Variants in PTPRD observed in about 807,000 individuals in gnomAD.
PTPRD encodes protein tyrosine phosphatase receptor type D.
In PTPRD, 34 loss-of-function variants were observed where a neutral mutation model predicts 214.5. That is an observed-to-expected ratio of 0.16 (90% confidence interval 0.12 to 0.21). The LOEUF is 0.21. Among genes scored for constraint, PTPRD ranks in the 10% least tolerant of loss-of-function variants. The pLI, the probability that PTPRD is intolerant of heterozygous loss-of-function variation, is 1.00. For missense variants in PTPRD, 2,545 were observed against 2,398.7 expected (o/e 1.06, Z -1.27); for synonymous variants, 1,128 against 845.7 (o/e 1.33, Z -5.79).
At position 10,326,000 on chromosome 9, in the gene PTPRD, A is replaced by G. The variant is rs192476501; in HGVS notation, c.-545+14963T>C. 1.8e-4 allele frequency among the ~76,000 whole-genome samples: 27 copies of G among 151,986 alleles called. No homozygotes were observed. In the East Asian group the frequency reaches 2.3e-3, roughly 13 times the overall value. Reference sequence around the variant, plus strand: ...TCACATTGAGAAATATATCTGAGCAAGTATCTAAAAAGATATGTTTGTCCA... The same window carrying G: ...TCACATTGAGAAATATATCTGAGCAGGTATCTAAAAAGATATGTTTGTCCA... On this transcript the variant is annotated intron_variant, in intron 3 of 45. Transcript: ENST00000381196.
At chr9:9,431,155 C>G (rs1357338677) in intron 8 of PTPRD, among the ~76,000 whole-genome samples, 1 of 152,210 alleles carries the variant, frequency 6.6e-6, no homozygotes, top group Non-Finnish European at 1.5e-5. Flanking sequence ...ATCTACCCAT[C>G]TGACAAAGGG....
chr9:9,295,998 C>A (rs777702149), intron 9 of PTPRD, among the ~76,000 whole-genome samples: 3 of 151,692 alleles, frequency 2.0e-5, no homozygotes, highest in Non-Finnish European at 2.9e-5. Flanking sequence ...TTACATGATA[C>A]CTCAGGTTTT....
intron 2 of PTPRD, among the ~76,000 whole-genome samples, chr9:10,579,829 T>C (rs2071038971): frequency 6.6e-6 from 1 of 152,156 alleles, no homozygotes; most frequent in African/African-American, 2.4e-5. Flanking sequence ...TTCTCGTGGT[T>C]TTGATTTGAA....
intron 44 of PTPRD, among the ~76,000 whole-genome samples, chr9:8,330,585 A>G (rs894835611): frequency 1.3e-5 from 2 of 151,946 alleles, no homozygotes; most frequent in African/African-American, 4.8e-5. Flanking sequence ...AAGCAAATGT[A>G]CATAGATAAA....
chr9:10,026,576 T>A (rs2096927180), intron 4 of PTPRD, among the ~76,000 whole-genome samples: 1 of 152,166 alleles, frequency 6.6e-6, no homozygotes, highest in Non-Finnish European at 1.5e-5. Flanking sequence ...TCTGTGCTCA[T>A]CCTTTGGAGC....
chr9:8,333,154 A>G (rs1014221173), intron 43 of PTPRD, among the ~76,000 whole-genome samples: 1 of 152,156 alleles, frequency 6.6e-6, no homozygotes, highest in Admixed American at 6.6e-5. Context: ...AATAGAGAAA[A>G]CTATTTGGCC....
chr9:10,045,154 G>T (rs2097365986), intron 3 of PTPRD, among the ~76,000 whole-genome samples: 2 of 151,734 alleles, frequency 1.3e-5, no homozygotes, highest in South Asian at 2.1e-4. Context: ...TGAATTATTA[G>T]CAGACAGTTC....
chr9:9,386,783 G>A (rs773154138), intron 9 of PTPRD, among the ~76,000 whole-genome samples: 6 of 152,098 alleles, frequency 3.9e-5, no homozygotes, highest in Non-Finnish European at 7.3e-5. Context: ...AAGGCAAGGA[G>A]TAGGTTATAG....
intron 9 of PTPRD, among the ~76,000 whole-genome samples, chr9:9,279,496 T>C (rs1946890383): frequency 6.7e-6 from 1 of 150,288 alleles, no homozygotes; most frequent in East Asian, 2.0e-4. Flanking sequence ...ATAGAACAAT[T>C]TAAAAAGCAT....
intron 11 of PTPRD, among the ~76,000 whole-genome samples, chr9:8,964,603 T>A (rs979893849): frequency 3.9e-5 from 6 of 152,040 alleles, no homozygotes; most frequent in Non-Finnish European, 5.9e-5. Flanking sequence ...TAGTTTGGAG[T>A]TGGTTTTGTC....
At chr9:10,484,434 G>A (rs570514100) in intron 2 of PTPRD, among the ~76,000 whole-genome samples, 2 of 151,996 alleles carry the variant, frequency 1.3e-5, no homozygotes, top group East Asian at 3.9e-4. Context: ...CAATCCTAAA[G>A]CTCTTAAAGA....
At chr9:9,085,776 T>G (rs1322961503) in intron 10 of PTPRD, among the ~76,000 whole-genome samples, 2 of 152,006 alleles carry the variant, frequency 1.3e-5, no homozygotes, top group Non-Finnish European at 2.9e-5. Context: ...AAAGTCCAAA[T>G]GTTTTAAATG....
intron 3 of PTPRD, among the ~76,000 whole-genome samples, chr9:10,102,676 T>C (rs1228610099): frequency 6.6e-6 from 1 of 151,654 alleles, no homozygotes; most frequent in African/African-American, 2.4e-5. Flanking sequence ...GAGGTGATAT[T>C]GTTAGTAGCA....
rs139356991 is a variant in PTPRD, at chr9:9,146,265, T to A, written c.-143+37039A>T. 1.6e-3 allele frequency among the ~76,000 whole-genome samples: 244 copies of A among 152,232 alleles called. 2 individuals carry two copies. Among genetic ancestry groups the A allele is most frequent in the African/African-American group, 5.2e-3 (215 of 41,520 alleles). On this transcript the variant is annotated intron_variant, in intron 10 of 45. Coordinates refer to ENST00000381196, the MANE Select transcript of PTPRD (RefSeq NM_002839.4). ...AAAAGTAAATTTGTTATTTTTTTTT[T>A]AAATTTAATTCTACTGTCAAGCTCA...
At chr9:8,522,802 T>C (rs1300823577) in intron 19 of PTPRD, among the ~76,000 whole-genome samples, 6 of 152,162 alleles carry the variant, frequency 3.9e-5, no homozygotes, top group Non-Finnish European at 8.8e-5. Flanking sequence ...ATCTAGAGGG[T>C]AATCTTTAGG....
At chr9:8,849,462 G>A (rs968009919) in intron 11 of PTPRD, among the ~76,000 whole-genome samples, 18 of 152,220 alleles carry the variant, frequency 1.2e-4, no homozygotes, top group South Asian at 1.0e-3. Context: ...TCCTGACCTC[G>A]TGATCCACCG....
At chr9:9,151,406 T>A (rs1230369632) in intron 10 of PTPRD, among the ~76,000 whole-genome samples, 5 of 152,150 alleles carry the variant, frequency 3.3e-5, no homozygotes, top group South Asian at 2.1e-4. Context: ...TCCCTATTTC[T>A]AAGTGGGAGT....
At chr9:10,599,180 T>C (rs774054848) in intron 2 of PTPRD, among the ~76,000 whole-genome samples, 10 of 151,674 alleles carry the variant, frequency 6.6e-5, no homozygotes, top group Admixed American at 5.9e-4. Flanking sequence ...TAGGTGATGA[T>C]CGAGCAATGT....
rs575374966 is a variant in PTPRD at position 10,217,386 on chromosome 9, A to G, written c.-545+123577T>C. 5.9e-5 allele frequency among the ~76,000 whole-genome samples: 9 copies of G among 151,894 alleles called. No individual in the cohort carries two copies. The South Asian group carries it at 8.3e-4, about 14-fold the overall frequency. On this transcript the variant is annotated intron_variant, in intron 3 of 45. Transcript: ENST00000381196. The stretch of plus-strand genomic sequence containing the variant: ...ACCCAACTCAGCCTCCCCCTCCTCC[A>G]TATCTCAAAGCAAGTTAATGAGTGG...
Sources: allele counts gnomAD v4.1 joint callset (sites outside exome capture counted in the v4.1 genomes callset), GRCh38; gene constraint gnomAD v4.1.1; transcripts MANE v1.5; gene names NCBI Gene and HGNC (gene_info 2026-07-23, HGNC 2026-07-21).